BCL2: variants seen among roughly 807,000 people sequenced by gnomAD.
BCL2 encodes apoptosis regulator Bcl-2.
In BCL2, 1 loss-of-function variant was observed where a neutral mutation model predicts 14.2. That is an observed-to-expected ratio of 0.07 (90% CI 0.02 to 0.33). The LOEUF (loss-of-function observed/expected upper bound fraction) is 0.33, where lower values mean the gene tolerates loss of function less well. Ranked by LOEUF, BCL2 falls within the 10% of genes least tolerant of loss-of-function variation. The probability of loss-of-function intolerance (pLI) is 0.99; values close to 1 mark genes in which losing one functional copy is unlikely to be tolerated. For missense variants in BCL2, 247 were observed against 305.9 expected (o/e 0.81, Z 1.44); for synonymous variants, 151 against 137.2 (o/e 1.10, Z -0.70).
chr18:63,211,063 C>CTTTTTTTTTTT (rs59302545), intron 2 of BCL2, among the ~76,000 whole-genome samples: 10 of 59,142 alleles, frequency 1.7e-4, no homozygotes, highest in African/African-American at 5.6e-4. Context: ...CTTTTCATTT[C>CTTTTTTTTTTT]TTTTTTTTTT....
chr18:63,180,609 CAGCT>C (rs1263659715), intron 2 of BCL2, among the ~76,000 whole-genome samples: 1 of 152,146 alleles, frequency 6.6e-6, no homozygotes, highest in Non-Finnish European at 1.5e-5. Context: ...CGCTGCCAGC[CAGCT>C]GAGTACTGCC....
At chr18:63,227,421 C>T (rs548382651) in intron 2 of BCL2, among the ~76,000 whole-genome samples, 1 of 152,292 alleles carries the variant, frequency 6.6e-6, no homozygotes, top group East Asian at 1.9e-4. Flanking sequence ...ATTGCCCAGG[C>T]TAGTCTCAAA....
At chr18:63,216,014 A>G (rs1756855543) in intron 2 of BCL2, among the ~76,000 whole-genome samples, 2 of 152,140 alleles carry the variant, frequency 1.3e-5, no homozygotes. Context: ...GAGGTTGTAA[A>G]GTTAATTTAG....
At chr18:63,209,834 T>C (rs1909951622) in intron 2 of BCL2, among the ~76,000 whole-genome samples, 1 of 152,144 alleles carries the variant, frequency 6.6e-6, no homozygotes, top group African/African-American at 2.4e-5. Context: ...CAGAGATGAC[T>C]GGTCACCAAG....
chr18:63,168,942 A>G (rs1025995292), intron 2 of BCL2, among the ~76,000 whole-genome samples: 1 of 152,254 alleles, frequency 6.6e-6, no homozygotes, highest in Non-Finnish European at 1.5e-5. Context: ...GAACACGCTC[A>G]GCGGTCATCT....
At chr18:63,203,191 A>G (rs1468838384) in intron 2 of BCL2, among the ~76,000 whole-genome samples, 1 of 152,138 alleles carries the variant, frequency 6.6e-6, no homozygotes, top group African/African-American at 2.4e-5. Flanking sequence ...AAAACAGTCT[A>G]CCTTCTGCAT....
chr18:63,238,731 T>C (rs1910908219), intron 2 of BCL2, among the ~76,000 whole-genome samples: 1 of 152,230 alleles, frequency 6.6e-6, no homozygotes, highest in African/African-American at 2.4e-5. Flanking sequence ...GCAGTAACTA[T>C]ACCTACTTGT....
At chr18:63,239,516 C>T (rs770083815) in intron 2 of BCL2, among the ~76,000 whole-genome samples, 8 of 152,236 alleles carry the variant, frequency 5.3e-5, no homozygotes, top group South Asian at 2.1e-4. Flanking sequence ...CCAAGATGAG[C>T]GGATCACCTG....
chr18:63,176,985 C>T (rs1217586805), intron 2 of BCL2, among the ~76,000 whole-genome samples: 1 of 151,272 alleles, frequency 6.6e-6, no homozygotes, highest in Non-Finnish European at 1.5e-5. Flanking sequence ...GGTACAATCA[C>T]AGCTCTCTGC....
chr18:63,291,119 T>C (rs566081525), intron 2 of BCL2, among the ~76,000 whole-genome samples: 5 of 152,186 alleles, frequency 3.3e-5, no homozygotes, highest in Non-Finnish European at 5.9e-5. Flanking sequence ...TCTTTGAAGG[T>C]ACGCCATCCT....
chr18:63,313,052 AC>A (rs1941292042), intron 2 of BCL2, among the ~76,000 whole-genome samples: 1 of 152,230 alleles, frequency 6.6e-6, no homozygotes, highest in African/African-American at 2.4e-5. Flanking sequence ...GTCAGAAATA[AC>A]GTTCTTAGAC....
chr18:63,249,836 T>C (rs1020816466), intron 2 of BCL2, among the ~76,000 whole-genome samples: 6 of 149,234 alleles, frequency 4.0e-5, no homozygotes, highest in African/African-American at 1.5e-4. Flanking sequence ...AAAAAAATGG[T>C]AGTTTCAGGC....
chr18:63,253,083 T>A (rs1160845187), intron 2 of BCL2, among the ~76,000 whole-genome samples: 1 of 152,270 alleles, frequency 6.6e-6, no homozygotes. Flanking sequence ...CGTTTGTTTA[T>A]GCATGGTGTA....
intron 2 of BCL2, among the ~76,000 whole-genome samples, chr18:63,230,888 T>C (rs1375393104): frequency 6.6e-6 from 1 of 151,580 alleles, no homozygotes; most frequent in Non-Finnish European, 1.5e-5. Context: ...AGTTAAAGTA[T>C]CAATGCAAAA....
At chr18:63,160,634 A>G (rs1251961267) in intron 2 of BCL2, among the ~76,000 whole-genome samples, 1 of 152,168 alleles carries the variant, frequency 6.6e-6, no homozygotes, top group East Asian at 1.9e-4. Context: ...GGAGCCCTTC[A>G]GGGAATGTCT....
At chr18:63,262,526 G>A (rs1379026988) in intron 2 of BCL2, among the ~76,000 whole-genome samples, 1 of 152,156 alleles carries the variant, frequency 6.6e-6, no homozygotes, top group Non-Finnish European at 1.5e-5. Context: ...AGGTGGACAA[G>A]TGGCTATTTT....
intron 2 of BCL2, among the ~76,000 whole-genome samples, chr18:63,247,300 G>A (rs1911178138): frequency 1.3e-5 from 2 of 151,340 alleles, no homozygotes; most frequent in Admixed American, 1.3e-4. Flanking sequence ...CCAAGTTCAA[G>A]CAATTCTCCT....
At chr18:63,312,327 G>C (rs1913353482) in intron 2 of BCL2, among the ~76,000 whole-genome samples, 1 of 152,238 alleles carries the variant, frequency 6.6e-6, no homozygotes, top group East Asian at 1.9e-4. Flanking sequence ...CCATGGCTTG[G>C]AAGAGAGAGG....
intron 2 of BCL2, among the ~76,000 whole-genome samples, chr18:63,221,166 T>C (rs1910381854): frequency 6.6e-6 from 1 of 152,216 alleles, no homozygotes; most frequent in Admixed American, 6.5e-5. Flanking sequence ...GTTTTATCAG[T>C]GTTGAGGCTC....
Sources: gnomAD v4.1 joint callset for allele counts (sites outside exome capture counted in the v4.1 genomes callset) on GRCh38, gnomAD v4.1.1 for gene constraint, MANE v1.5 for transcripts, NCBI Gene and HGNC (gene_info 2026-07-23, HGNC 2026-07-21) for gene names.